Variants in OVCH1 observed in about 807,000 individuals in gnomAD.
The protein encoded by OVCH1 is ovochymase 1.
OVCH1 carries 139 observed loss-of-function variants against 138.4 expected under a neutral mutation model. That is an observed-to-expected ratio of 1.00 (90% CI 0.87 to 1.16). The LOEUF is 1.16. Ranked by LOEUF, OVCH1 falls within the 50% of genes most tolerant of loss-of-function variation. The pLI is 0.00. For missense variants in OVCH1, 1,367 were observed against 1,357.9 expected (o/e 1.01, Z -0.11); for synonymous variants, 453 against 467.8 (o/e 0.97, Z 0.41).
At position 29,444,293 on chromosome 12, in the gene OVCH1, G is replaced by C; in HGVS notation, c.2882-13C>G. On this transcript the variant is annotated splice_polypyrimidine_tract_variant and intron_variant, in intron 23 of 27. Transcript: ENST00000318184. ...CTGTCCTTTGGACCTAAAAGAACAG[G>C]AAGCAGAGAAAATGAGAATAAAACC... 6.2e-7 allele frequency: 1 copy of C among 1,608,322 alleles called. No individual in the cohort carries two copies. Among genetic ancestry groups the C allele is most frequent in the Non-Finnish European group, 8.5e-7 (1 of 1,177,210 alleles).
chr12:29,454,633 A>T (rs192663998), intron 21 of OVCH1, among the ~76,000 whole-genome samples: 10 of 152,134 alleles, frequency 6.6e-5, no homozygotes, highest in African/African-American at 2.2e-4. Flanking sequence ...AGATTTTTTT[A>T]AAAATCTGCA....
chr12:29,496,421 C>G lies in OVCH1; in HGVS notation c.183+135G>C, dbSNP rs957509275. Reference sequence around the variant, plus strand: ...AAATTGGATAGTAAGATAGTTCCTACGAAGTAAACTTTTTGGTAGAGAGCT... The same window carrying G: ...AAATTGGATAGTAAGATAGTTCCTAGGAAGTAAACTTTTTGGTAGAGAGCT... On this transcript the variant is annotated intron_variant, in intron 2 of 27. Transcript: ENST00000318184. The G allele has an allele frequency of 3.6e-6, 4 of 1,123,936 alleles. No individual in the cohort carries two copies. In the Admixed American group the frequency reaches 9.4e-5, roughly 27 times the overall value. 69.6% of individuals were successfully genotyped at this position (1,123,936 alleles called of 1,614,324 possible).
intron 8 of OVCH1, among the ~76,000 whole-genome samples, chr12:29,479,815 CTTT>C (rs927619162): frequency 3.9e-5 from 5 of 126,824 alleles, no homozygotes; most frequent in African/African-American, 1.3e-4. Context: ...ATTGGCAACT[CTTT>C]TTTTTCTTTT....
chr12:29,409,295 G>GT (rs1331204492), downstream of OVCH1, among the ~76,000 whole-genome samples: 5 of 152,080 alleles, frequency 3.3e-5, no homozygotes, highest in African/African-American at 1.2e-4. Flanking sequence ...GGTTTTTTGT[G>GT]TTTCTATTTC....
intron 2 of OVCH1, 103 bp downstream of exon 2, chr12:29,496,453 G>T (rs1017837483): frequency 1.4e-5 from 17 of 1,187,928 alleles, no homozygotes; most frequent in Non-Finnish European, 1.9e-5. Context: ...AGCTAGAGGG[G>T]TTCAGGAGAA....
At chr12:29,446,337 TG>T (rs1352538657) in intron 22 of OVCH1, among the ~76,000 whole-genome samples, 3 of 152,118 alleles carry the variant, frequency 2.0e-5, no homozygotes, top group Non-Finnish European at 4.4e-5. Context: ...AAGTATACAA[TG>T]GTGAAATACT....
At chr12:29,474,185 A>G (rs1942624038) in intron 14 of OVCH1, among the ~76,000 whole-genome samples, 1 of 151,942 alleles carries the variant, frequency 6.6e-6, no homozygotes, top group Non-Finnish European at 1.5e-5. Context: ...CATCCCTACT[A>G]TATATATAAT....
Position 29,488,620 on chromosome 12 carries a change from C to CAAAAAAAAAAAAAAAAAAAA in OVCH1, c.703-758_703-739dup, listed in dbSNP as rs67595567. On this transcript the variant is annotated intron_variant, in intron 6 of 27. Coordinates refer to ENST00000318184, the Ensembl canonical transcript of OVCH1. ...TGGGCAACAGAGTGAGACTCCATCTCAAAAAAAAAAAAAAAAAAAAAAAGA... is the reference window on the plus strand; with the variant it reads ...TGGGCAACAGAGTGAGACTCCATCTCAAAAAAAAAAAAAAAAAAAAAAAAAAAAAAAAAAAAAAAAAAAGA... 3.9e-4 allele frequency among the ~76,000 whole-genome samples: 24 copies of CAAAAAAAAAAAAAAAAAAAA among 61,726 alleles called. No homozygotes were observed. In the East Asian group the frequency reaches 8.1e-3, roughly 21 times the overall value. 40.5% of individuals were successfully genotyped at this position (61,726 alleles called of 152,430 possible).
chr12:29,468,568 T>G (rs1942395840), intron 16 of OVCH1, among the ~76,000 whole-genome samples: 1 of 152,186 alleles, frequency 6.6e-6, no homozygotes, highest in South Asian at 2.1e-4. Flanking sequence ...TACTCAATAC[T>G]AATATTTTCT....
rs1941922112 is a variant in OVCH1, at chr12:29,455,471, A to G, written c.2281-66T>C. ...TCTGAAGCTCCTGCTTTCAGTTTTT[A>G]GAACAAGAATGACCAATAATGTATT... On this transcript the variant is annotated intron_variant, in intron 19 of 27. Transcript: ENST00000318184. The G allele has an allele frequency of 2.0e-6, 3 of 1,491,408 alleles. No individual in the cohort carries two copies. In the South Asian group the frequency reaches 4.0e-5, roughly 20 times the overall value. 92.4% of individuals were successfully genotyped at this position (1,491,408 alleles called of 1,614,324 possible).
chr12:29,405,040 A>AAAAAAAAAAAAAAAAAC, the OVCH1 span, among the ~76,000 whole-genome samples: 1 of 148,788 alleles, frequency 6.7e-6, no homozygotes, highest in African/African-American at 2.5e-5. Context: ...AAAAAAAAAA[A>AAAAAAAAAAAAAAAAAC]AAAAAAAAAA....
chr12:29,445,266 A>T lies in OVCH1; in HGVS notation c.2881+12T>A. The T allele has an allele frequency of 1.0e-5, 16 of 1,600,640 alleles. No individual in the cohort carries two copies. Among genetic ancestry groups the T allele is most frequent in the Non-Finnish European group, 1.4e-5 (16 of 1,172,774 alleles). ...TTTAGCCTTTACAAGTTTATAAAATAACCAAACATACCTAGGACTTTCAAG... is the reference window on the plus strand; with the variant it reads ...TTTAGCCTTTACAAGTTTATAAAATTACCAAACATACCTAGGACTTTCAAG... On this transcript the variant is annotated intron_variant, in intron 23 of 27. Transcript: ENST00000318184.
intron 19 of OVCH1, among the ~76,000 whole-genome samples, chr12:29,460,478 C>T (rs1281626473): frequency 6.6e-6 from 1 of 152,100 alleles, no homozygotes; most frequent in Non-Finnish European, 1.5e-5. Flanking sequence ...CAGCCCATGT[C>T]CTGGCTCTGT....
chr12:29,451,655 G>A (rs1941800419), intron 21 of OVCH1, 86 bp from the exon 22 acceptor site: 1 of 1,048,864 alleles, frequency 9.5e-7, no homozygotes, highest in Non-Finnish European at 1.4e-6. Context: ...GAAAAATCTA[G>A]GCTTGCAAGG....
chr12:29,478,852 C>T (rs1462463206), exon 9 of OVCH1: 5 of 1,589,670 alleles, frequency 3.1e-6, no homozygotes, highest in Middle Eastern at 3.3e-4. Flanking sequence ...CACTCCACTG[C>T]TTGATCGTAA....
At chr12:29,474,992 G>A in intron 14 of OVCH1, 69 bp downstream of exon 14, 2 of 1,487,296 alleles carry the variant, frequency 1.3e-6, no homozygotes, top group South Asian at 2.5e-5. Context: ...AGGTAAACAT[G>A]GCTAAATTAT....
Position 29,420,765 on chromosome 12 carries a change from C to T in OVCH1, c.*71+2362G>A, listed in dbSNP as rs1199184567. 2.5e-4 allele frequency among the ~76,000 whole-genome samples: 2 copies of T among 8,084 alleles called. 1 individual carries two copies. The highest frequency in any genetic ancestry group is 4.1e-3 in the South Asian group (2 of 488). 5.3% of individuals were successfully genotyped at this position (8,084 alleles called of 152,430 possible). A position where few individuals can be genotyped will look rare whatever the true frequency, so the allele number is the denominator to read the frequency against. ...TCTCCTGACCTCATGATCCACCCGC[C>T]TCGGCCTCCCAAAGTGCTGGGATTA... is the stretch of plus-strand genomic sequence containing the variant. On this transcript the variant is annotated intron_variant and NMD_transcript_variant, in intron 3 of 4. Coordinates refer to the OVCH1 transcript ENST00000539117.
downstream of OVCH1, among the ~76,000 whole-genome samples, chr12:29,408,936 C>T (rs1394609667): frequency 6.6e-6 from 1 of 152,142 alleles, no homozygotes; most frequent in Non-Finnish European, 1.5e-5. Flanking sequence ...TCCATCTGGT[C>T]CTGGACTCTT....
chr12:29,439,297 C>T, intron 26 of OVCH1: 2 of 1,440,958 alleles, frequency 1.4e-6, no homozygotes, highest in Non-Finnish European at 1.8e-6. Context: ...TATATAAGCC[C>T]AAGTTCTAAT....
Sources: allele counts gnomAD v4.1 joint callset (sites outside exome capture counted in the v4.1 genomes callset), GRCh38; gene constraint gnomAD v4.1.1; transcripts MANE v1.5; gene names NCBI Gene and HGNC (gene_info 2026-07-23, HGNC 2026-07-21).